CLIP1: variants seen among roughly 807,000 people sequenced by gnomAD.
CLIP1 encodes the protein CAP-Gly domain containing linker protein 1, also known as CAP-Gly domain-containing linker protein 1.
A neutral mutation model predicts 161.6 loss-of-function variants in CLIP1; 66 were observed. The ratio of observed to expected loss-of-function variants is 0.41; its 90% CI spans 0.33 to 0.50. The LOEUF (loss-of-function observed/expected upper bound fraction) is 0.50. Ranked by LOEUF, CLIP1 falls within the 20% of genes least tolerant of loss-of-function variation. The pLI is 0.27. For missense variants in CLIP1, 1,376 were observed against 1,702.0 expected (o/e 0.81, Z 3.37); for synonymous variants, 598 against 626.2 (o/e 0.96, Z 0.67).
Position 122,340,740 on chromosome 12 carries a change from T to A in CLIP1, c.2451+13A>T. 6.5e-7 allele frequency: 1 copy of A among 1,528,944 alleles called. No individual in the cohort carries two copies. The highest frequency in any genetic ancestry group is 8.8e-7 in the Non-Finnish European group (1 of 1,131,894). The allele number at this position is 1,528,944 out of a possible 1,614,324, so 94.7% of individuals were successfully genotyped here. A position where few individuals can be genotyped will look rare whatever the true frequency, so the allele number is the denominator to read the frequency against. ...AAATGGAAAAGAAAAGAATGGAGGA[T>A]GTCAATACAAACCTTGCTACTTTCA... On this transcript the variant is annotated intron_variant, in intron 11 of 25. Coordinates refer to ENST00000620786, the MANE Select transcript of CLIP1 (RefSeq NM_001247997.2).
intron 1 of CLIP1, among the ~76,000 whole-genome samples, chr12:122,393,212 G>A (rs540780406): frequency 2.9e-4 from 43 of 150,100 alleles, no homozygotes; most frequent in Middle Eastern, 3.4e-3. Flanking sequence ...CACCTAGGCT[G>A]GAGTACAGTG....
chr12:122,283,452 C>G (rs1227651011), intron 21 of CLIP1, among the ~76,000 whole-genome samples: 1 of 150,084 alleles, frequency 6.7e-6, no homozygotes, highest in African/African-American at 2.4e-5. Flanking sequence ...CTTTTTCTTT[C>G]TTTCTTTTCT....
At position 122,278,796 on chromosome 12, in the gene CLIP1, G is replaced by A. The variant is rs146191259; in HGVS notation, c.3912C>T (p.Ser1304=). 3.5e-4 allele frequency: 560 copies of A among 1,596,282 alleles called. 4 individuals are homozygous for A. In the African/African-American group the frequency reaches 7.1e-3, roughly 20 times the overall value. Residue 1304 remains serine, a synonymous_variant, in exon 23 of 26, where the codon TCC becomes TCT. Transcript: ENST00000620786. ...LKENKRQLSS[S]SGNTDTQADE... is the part of the protein sequence containing the mutation. The stretch of plus-strand genomic sequence containing the variant: ...CACTGGGCAGGCGCCCTTTACCTGA[G>A]GAGCTGCTGAGCTGCCTCTTGTTTT...
intron 1 of CLIP1, among the ~76,000 whole-genome samples, chr12:122,394,605 A>T (rs1448958573): frequency 6.6e-6 from 1 of 151,362 alleles, no homozygotes; most frequent in African/African-American, 2.4e-5. Context: ...ACAATCCTTT[A>T]GGCCAGGCAC....
chr12:122,377,564 G>T lies in CLIP1; in HGVS notation c.482C>A (p.Pro161His), dbSNP rs769955799. The change falls in exon 3 of 26, where the codon CCC becomes CAC. Residue 161 changes from proline (P) to histidine (H), a missense_variant. Pro to His is a moderately conservative substitution (Grantham distance 77). Coordinates refer to ENST00000620786, the MANE Select transcript of CLIP1 (RefSeq NM_001247997.2). ...CTGAGGGATGTTTGAAGGGGTGGAG[G>T]GGGAGGAAGACACCATGCTGGCCGT... Reference protein sequence around the residue: ...TSTASMVSSSPSTPSNIPQKP... With the variant: ...TSTASMVSSSHSTPSNIPQKP... 4.3e-6 allele frequency: 7 copies of T among 1,613,964 alleles called. No individual in the cohort carries two copies. Among genetic ancestry groups the T allele is most frequent in the South Asian group, 1.1e-5 (1 of 91,068 alleles).
At chr12:122,361,568 TTAAAG>T (rs1953809438) in intron 4 of CLIP1, among the ~76,000 whole-genome samples, 1 of 152,186 alleles carries the variant, frequency 6.6e-6, no homozygotes, top group Non-Finnish European at 1.5e-5. Context: ...GGCAGATCCA[TTAAAG>T]TAAACATGAA....
Position 122,279,237 on chromosome 12 carries a change from T to C in CLIP1, c.3648-92A>G. 1 of 808,418 alleles carries C rather than the reference T, an allele frequency of 1.2e-6. No individual in the cohort carries two copies. The highest frequency in any genetic ancestry group is 1.9e-6 in the Non-Finnish European group (1 of 530,678). The allele number at this position is 808,418 out of a possible 1,614,324, so 50.1% of individuals were successfully genotyped here. On this transcript the variant is annotated intron_variant, in intron 21 of 25. Coordinates refer to ENST00000620786, the MANE Select transcript of CLIP1 (RefSeq NM_001247997.2). The surrounding 1 kb of genome is among the most constrained non-coding windows in gnomAD (Gnocchi z 4.5). The stretch of plus-strand genomic sequence containing the variant: ...AGAACAAACACATAATTAATGTTAG[T>C]TAATGTAAAAAAAAAAATATAACAG...
intron 1 of CLIP1, among the ~76,000 whole-genome samples, chr12:122,418,229 G>A (rs576517170): frequency 7.2e-5 from 11 of 152,182 alleles, no homozygotes; most frequent in South Asian, 2.1e-4. Flanking sequence ...CACGGTACAT[G>A]CTCAATAAAT....
intron 1 of CLIP1, among the ~76,000 whole-genome samples, chr12:122,420,850 G>A (rs1418817218): frequency 6.6e-6 from 1 of 151,718 alleles, no homozygotes; most frequent in Non-Finnish European, 1.5e-5. Context: ...CACGAGAATC[G>A]CTTAAACCTG....
intron 21 of CLIP1, among the ~76,000 whole-genome samples, chr12:122,287,091 T>C (rs954881706): frequency 7.2e-5 from 11 of 152,008 alleles, no homozygotes; most frequent in Admixed American, 6.6e-4. Context: ...GGAAGATCAA[T>C]TGAGCCCAGG....
intron 1 of CLIP1, among the ~76,000 whole-genome samples, chr12:122,387,573 TATATATATATATATA>T (rs1955361470): frequency 2.6e-4 from 1 of 3,910 alleles, no homozygotes; most frequent in African/African-American, 4.6e-4. Context: ...TATATATATA[TATATATATATATATA>T]TATTTTTTTT....
At chr12:122,422,791 GC>G (rs1420088601), upstream of CLIP1, among the ~76,000 whole-genome samples, 1 of 42,312 alleles carries the variant, frequency 2.4e-5, no homozygotes, top group East Asian at 5.5e-4. Context: ...GCCCCGCGCC[GC>G]CCCGCCGCCT....
At chr12:122,361,921 GT>G (rs1953843524) in intron 4 of CLIP1, among the ~76,000 whole-genome samples, 1 of 151,758 alleles carries the variant, frequency 6.6e-6, no homozygotes, top group African/African-American at 2.4e-5. Flanking sequence ...AACACCATCT[GT>G]TCCCCAAAAA....
At chr12:122,335,844 G>A (rs188976662) in intron 12 of CLIP1, among the ~76,000 whole-genome samples, 1 of 151,944 alleles carries the variant, frequency 6.6e-6, no homozygotes, top group African/African-American at 2.4e-5. Flanking sequence ...AATTCACACT[G>A]TTAATAGCAC....
chr12:122,318,397 G>A (rs889000895), intron 18 of CLIP1, among the ~76,000 whole-genome samples: 3 of 152,150 alleles, frequency 2.0e-5, no homozygotes, highest in African/African-American at 7.2e-5. Context: ...GCCAGGCGTG[G>A]TAGTGGGCAC....
At chr12:122,365,652 T>C in intron 3 of CLIP1, 1 of 692,294 alleles carries the variant, frequency 1.4e-6, no homozygotes, top group East Asian at 2.7e-5. Context: ...AAAAATAAAA[T>C]AAAATAAAGG....
chr12:122,381,016 G>C (rs1052299157), intron 1 of CLIP1, among the ~76,000 whole-genome samples: 18 of 152,288 alleles, frequency 1.2e-4, no homozygotes, highest in African/African-American at 3.8e-4. Flanking sequence ...CTGGGTGACA[G>C]AGCAAGACCC....
intron 19 of CLIP1, among the ~76,000 whole-genome samples, chr12:122,314,428 AC>A (rs1189878276): frequency 6.6e-6 from 1 of 152,196 alleles, no homozygotes; most frequent in Non-Finnish European, 1.5e-5. Flanking sequence ...CAGAGATCAC[AC>A]TACTACACTC....
At chr12:122,422,399 C>G (rs1160492460) in intron 1 of CLIP1, 122 bp downstream of exon 1, 1 of 151,504 alleles carries the variant, frequency 6.6e-6, no homozygotes, top group East Asian at 2.0e-4. Context: ...GGCTCGGCCC[C>G]GCTCCCGGAC....
Sources: allele counts gnomAD v4.1 joint callset (sites outside exome capture counted in the v4.1 genomes callset), GRCh38; gene constraint gnomAD v4.1.1; non-coding constraint Gnocchi (gnomAD v3.1); transcripts MANE v1.5; gene names NCBI Gene and HGNC (gene_info 2026-07-23, HGNC 2026-07-21).